The following AIG1 variants were observed in gnomAD, a reference collection of about 807,000 sequenced individuals.
The protein encoded by AIG1 is androgen induced 1.
In AIG1, 23 loss-of-function variants were observed where a neutral mutation model predicts 31.4. The observed-to-expected ratio is 0.73, with a 90% confidence interval of 0.53 to 1.04. The LOEUF (loss-of-function observed/expected upper bound fraction) is 1.04. Among genes scored for constraint, AIG1 ranks in the 50% least tolerant of loss-of-function variants. The pLI is 0.00. For missense variants in AIG1, 274 were observed against 295.0 expected, an observed-to-expected ratio of 0.93 and a Z score of 0.52; for synonymous variants, 100 against 110.5, an observed-to-expected ratio of 0.90 and a Z score of 0.60.
chr6:143,111,771 G>A (rs1452279733), intron 1 of AIG1, among the ~76,000 whole-genome samples: 1 of 152,214 alleles, frequency 6.6e-6, no homozygotes, highest in Non-Finnish European at 1.5e-5. Flanking sequence ...CAGCCTGGAA[G>A]TGGTTATTGA....
intron 1 of AIG1, among the ~76,000 whole-genome samples, chr6:143,069,685 G>A (rs377281019): frequency 4.9e-4 from 74 of 152,140 alleles, no homozygotes; most frequent in African/African-American, 1.6e-3. Context: ...GCTTTGAGAG[G>A]TTTTATGTTT....
At chr6:143,109,107 G>A (rs181707847) in intron 1 of AIG1, among the ~76,000 whole-genome samples, 96 of 137,520 alleles carry the variant, frequency 7.0e-4, no homozygotes, top group Admixed American at 2.7e-3. Flanking sequence ...TGCAGCTTAC[G>A]TTGCTGTTTT....
At chr6:143,265,076 GGA>G (rs1400914687) in intron 3 of AIG1, among the ~76,000 whole-genome samples, 3 of 152,134 alleles carry the variant, frequency 2.0e-5, no homozygotes, top group East Asian at 3.8e-4. Context: ...TTGAGAAATC[GGA>G]GAGTCTTCCC....
chr6:143,270,886 C>CATGA (rs1395327208), intron 3 of AIG1, among the ~76,000 whole-genome samples: 1 of 152,040 alleles, frequency 6.6e-6, no homozygotes, highest in Non-Finnish European at 1.5e-5. Flanking sequence ...TGTGCAAATG[C>CATGA]ATGAATCTGT....
At chr6:143,307,352 G>C (rs1387117478) in intron 4 of AIG1, among the ~76,000 whole-genome samples, 1 of 152,182 alleles carries the variant, frequency 6.6e-6, no homozygotes, top group Non-Finnish European at 1.5e-5. Flanking sequence ...GGTCTTTGAT[G>C]ATGGTGATGT....
rs1031901990 is a variant in AIG1 at position 143,297,308 on chromosome 6, C to T, written c.515+13083C>T. 5.9e-5 allele frequency among the ~76,000 whole-genome samples: 9 copies of T among 152,192 alleles called. No individual in the cohort carries two copies. Among genetic ancestry groups the T allele is most frequent in the Non-Finnish European group, 1.2e-4 (8 of 68,032 alleles). ...CAGGGAGCCAAAGCAGTTCAGTGCA[C>T]CTGGACCCATTGACATTTTGCCCTC... On this transcript the variant is annotated intron_variant, in intron 4 of 5. Coordinates refer to ENST00000357847, the MANE Select transcript of AIG1 (RefSeq NM_016108.4). This position sits in a 1 kb window ranked among gnomAD's most constrained non-coding sequence, Gnocchi z 5.1.
At chr6:143,303,572 T>G (rs1798997135) in intron 4 of AIG1, among the ~76,000 whole-genome samples, 1 of 152,058 alleles carries the variant, frequency 6.6e-6, no homozygotes, top group Non-Finnish European at 1.5e-5. Flanking sequence ...TCTGTTCTGT[T>G]CCATTGATCT....
At chr6:143,317,083 A>G (rs1463911045) in intron 4 of AIG1, among the ~76,000 whole-genome samples, 1 of 152,166 alleles carries the variant, frequency 6.6e-6, no homozygotes, top group Non-Finnish European at 1.5e-5. Context: ...CAGACATTCA[A>G]AGAAGAATTG....
chr6:143,080,014 C>T (rs1278798375), intron 1 of AIG1, among the ~76,000 whole-genome samples: 1 of 151,938 alleles, frequency 6.6e-6, no homozygotes, highest in African/African-American at 2.4e-5. Context: ...ACCTGATTGG[C>T]TGAGTGTGAG....
rs540334318 is a variant in AIG1 at position 143,216,333 on chromosome 6, G to A, written c.399+51150G>A. 1.2e-4 allele frequency among the ~76,000 whole-genome samples: 18 copies of A among 152,312 alleles called. No homozygotes were observed. In the East Asian group the frequency reaches 3.1e-3, roughly 26 times the overall value. ...ATGTTCAGTTTGGAGGATTCCAGCA[G>A]AATATAAATGGGACAGTCATCAGGT... On this transcript the variant is annotated intron_variant, in intron 3 of 5. Coordinates refer to ENST00000357847, the MANE Select transcript of AIG1 (RefSeq NM_016108.4).
rs143501268 is a variant in AIG1 at position 143,311,218 on chromosome 6, A to G, written c.516-22064A>G. On this transcript the variant is annotated intron_variant, in intron 4 of 5. Coordinates refer to ENST00000357847, the MANE Select transcript of AIG1 (RefSeq NM_016108.4). ...ATCCTCAAAAATGTTTGCAAATCCA[A>G]TTGAACAATGTATAAAAACAATTAT... 3.3e-5 allele frequency among the ~76,000 whole-genome samples: 5 copies of G among 152,052 alleles called. No homozygotes were observed. The East Asian group carries it at 9.6e-4, about 29-fold the overall frequency.
rs1777784369 is a variant in AIG1 at position 143,339,875 on chromosome 6, G to A, written c.*199G>A. The A allele has an allele frequency of 2.5e-6, 1 of 406,706 alleles. No homozygotes were observed. Among genetic ancestry groups the A allele is most frequent in the Admixed American group, 4.5e-5 (1 of 22,178 alleles). The allele number at this position is 406,706 out of a possible 1,614,324, so 25.2% of individuals were successfully genotyped here. A position where few individuals can be genotyped will look rare whatever the true frequency, so the allele number is the denominator to read the frequency against. ...TTCCAAAAGAACTCACCCTCACTGT[G>A]TGTTAAAGAATTCTTCCCAAAGTCA... On this transcript the variant is annotated 3_prime_UTR_variant, in exon 6 of 6. Coordinates refer to ENST00000357847, the MANE Select transcript of AIG1 (RefSeq NM_016108.4).
At chr6:143,235,025 G>A (rs946264579) in intron 3 of AIG1, among the ~76,000 whole-genome samples, 2 of 152,162 alleles carry the variant, frequency 1.3e-5, no homozygotes, top group South Asian at 4.1e-4. Context: ...AGCCCTGCAT[G>A]CATGCATGTA....
At chr6:143,310,923 T>A (rs1285719164) in intron 4 of AIG1, among the ~76,000 whole-genome samples, 1 of 151,886 alleles carries the variant, frequency 6.6e-6, no homozygotes, top group Non-Finnish European at 1.5e-5. Context: ...AATAGACCTG[T>A]CTCTATTACA....
chr6:143,168,048 C>T (rs929929600), intron 3 of AIG1, among the ~76,000 whole-genome samples: 5 of 151,924 alleles, frequency 3.3e-5, no homozygotes, highest in Admixed American at 3.3e-4. Flanking sequence ...AAAATATGAA[C>T]ATTAAATGCT....
At chr6:143,147,291 T>C (rs1784794572) in intron 2 of AIG1, among the ~76,000 whole-genome samples, 1 of 152,172 alleles carries the variant, frequency 6.6e-6, no homozygotes, top group African/African-American at 2.4e-5. Flanking sequence ...TGCGACTTTG[T>C]TCATTTTTGA....
At chr6:143,227,133 T>C (rs144282475) in intron 3 of AIG1, among the ~76,000 whole-genome samples, 109 of 152,254 alleles carry the variant, frequency 7.2e-4, no homozygotes, top group Middle Eastern at 3.4e-3. Context: ...TAATTCACTG[T>C]CTGAACTTCT....
intron 4 of AIG1, among the ~76,000 whole-genome samples, chr6:143,316,312 C>G (rs1377140107): frequency 6.6e-6 from 1 of 152,116 alleles, no homozygotes; most frequent in Non-Finnish European, 1.5e-5. Context: ...GAAAGATCCC[C>G]TTTGCCCACA....
At chr6:143,186,690 T>C (rs1789289391) in intron 3 of AIG1, 1 of 152,258 alleles carries the variant, frequency 6.6e-6, no homozygotes, top group Non-Finnish European at 1.5e-5. Flanking sequence ...AAAGGGCCAC[T>C]TCATTTCCTT....
Sources: gnomAD v4.1 joint callset for allele counts (sites outside exome capture counted in the v4.1 genomes callset) on GRCh38, gnomAD v4.1.1 for gene constraint, Gnocchi (gnomAD v3.1) non-coding constraint, MANE v1.5 for transcripts, NCBI Gene and HGNC (gene_info 2026-07-23, HGNC 2026-07-21) for gene names.